The following PTGIS variants were observed in gnomAD, a reference collection of about 807,000 sequenced individuals.
The protein encoded by PTGIS is prostaglandin I2 synthase.
In PTGIS, 45 loss-of-function variants were observed where a neutral mutation model predicts 50.3. That is an observed-to-expected ratio of 0.90 (90% CI 0.70 to 1.15). PTGIS has a LOEUF of 1.15. PTGIS is among the 50% of genes most tolerant of loss of function. PTGIS has a pLI of 0.00. For synonymous variants in PTGIS, 260 were observed against 267.7 expected (o/e 0.97, Z 0.28); for missense variants, 668 against 661.3 (o/e 1.01, Z -0.11).
chr20:49,534,620 C>T (rs1376795316), intron 5 of PTGIS, among the ~76,000 whole-genome samples: 3 of 151,812 alleles, frequency 2.0e-5, no homozygotes, highest in Non-Finnish European at 4.4e-5. Flanking sequence ...CAGGATTTTG[C>T]AGACAGACAG....
At chr20:49,541,763 A>C (rs1387120450) in intron 4 of PTGIS, among the ~76,000 whole-genome samples, 1 of 152,180 alleles carries the variant, frequency 6.6e-6, no homozygotes, top group Non-Finnish European at 1.5e-5. Context: ...ATGAAGGAAA[A>C]GAAAACAAAA....
chr20:49,522,240 A>G (rs974710612), intron 6 of PTGIS, among the ~76,000 whole-genome samples: 2 of 151,816 alleles, frequency 1.3e-5, no homozygotes, highest in Admixed American at 1.3e-4. Flanking sequence ...TTCTATCCCC[A>G]TATCTTCTCC....
In PTGIS at chr20:49,540,335, G is replaced by T. The variant is rs982107589; in HGVS notation, c.522-614C>A. On this transcript the variant is annotated intron_variant, in intron 4 of 9. Transcript: ENST00000244043. This position sits in a 1 kb window ranked among gnomAD's most constrained non-coding sequence, Gnocchi z 4.8. ...GGGTCTGAGCTGAGATCTGCAGGAT[G>T]ATCGGGGGAAGCAGAAGAGGAACGT... 5.3e-5 allele frequency among the ~76,000 whole-genome samples: 8 copies of T among 152,186 alleles called. No homozygotes were observed. The highest frequency in any genetic ancestry group is 1.9e-4 in the African/African-American group (8 of 41,450).
At chr20:49,548,969 A>T (rs1403721347) in intron 2 of PTGIS, among the ~76,000 whole-genome samples, 2 of 151,924 alleles carry the variant, frequency 1.3e-5, no homozygotes, top group Non-Finnish European at 2.9e-5. Flanking sequence ...ATTGGATGGA[A>T]GTTGGAAGGA....
intron 1 of PTGIS, among the ~76,000 whole-genome samples, chr20:49,556,580 A>G (rs1271206003): frequency 2.0e-5 from 3 of 152,246 alleles, no homozygotes; most frequent in South Asian, 4.1e-4. Flanking sequence ...GAGAGCTCAT[A>G]TGGCAAATGA....
rs893852008 is a variant in PTGIS, at chr20:49,507,272, A to G, written c.*648T>C. 7.7e-5 allele frequency: 13 copies of G among 169,916 alleles called. No individual in the cohort carries two copies. The highest frequency in any genetic ancestry group is 2.6e-4 in the African/African-American group (11 of 41,608). The allele number at this position is 169,916 out of a possible 1,614,324, so 10.5% of individuals were successfully genotyped here. ...TAGAACAGAGAACTCCACTCCTCAGAGCCCAGTGTTTGGAGGGTGCCCCTG... is the reference window on the plus strand; with the variant it reads ...TAGAACAGAGAACTCCACTCCTCAGGGCCCAGTGTTTGGAGGGTGCCCCTG... On this transcript the variant is annotated 3_prime_UTR_variant, in exon 10 of 10. Transcript: ENST00000244043.
At chr20:49,519,176 T>A (rs528557694) in intron 6 of PTGIS, among the ~76,000 whole-genome samples, 39 of 144,378 alleles carry the variant, frequency 2.7e-4, no homozygotes, top group Non-Finnish European at 2.9e-4. Context: ...CAGCCTCCTC[T>A]TCCCCTTGCC....
At chr20:49,545,800 G>A (rs1379645385) in intron 3 of PTGIS, among the ~76,000 whole-genome samples, 1 of 151,820 alleles carries the variant, frequency 6.6e-6, no homozygotes, top group Non-Finnish European at 1.5e-5. Flanking sequence ...AAGAACAGTG[G>A]GAGAGTGCCA....
intron 8 of PTGIS, 95 bp downstream of exon 8, chr20:49,512,985 G>A (rs1470122718): frequency 2.7e-6 from 4 of 1,475,136 alleles, no homozygotes; most frequent in African/African-American, 1.4e-5. Context: ...AGCAAACAAA[G>A]AGCAGAGCCA....
chr20:49,542,599 C>A (rs774968706), intron 4 of PTGIS, among the ~76,000 whole-genome samples: 21 of 152,218 alleles, frequency 1.4e-4, no homozygotes, highest in Non-Finnish European at 2.8e-4. Context: ...GCCAGGAGAC[C>A]TGGGAGGATC....
chr20:49,537,206 A>G (rs1346681482), intron 5 of PTGIS, among the ~76,000 whole-genome samples: 1 of 152,174 alleles, frequency 6.6e-6, no homozygotes, highest in East Asian at 1.9e-4. Flanking sequence ...CGTTATGAAG[A>G]AGGGCCTGAG....
chr20:49,511,131 C>T lies in PTGIS; in HGVS notation c.1255G>A (p.Asp419Asn). The change falls in exon 9 of 10, where the codon GAC becomes AAC. Residue 419 changes from aspartate to asparagine, a missense_variant. Coordinates refer to ENST00000244043, the MANE Select transcript of PTGIS (RefSeq NM_000961.4). Reference sequence around the variant, plus strand: ...AGCCGTTTCCCATCCTTGTAAAAGTCTTTCTTCTCTGATCCGTCAGGGTTC... The same window carrying T: ...AGCCGTTTCCCATCCTTGTAAAAGTTTTTCTTCTCTGATCCGTCAGGGTTC... ...FLNPDGSEKK[D>N]FYKDGKRLKN... 6.2e-7 allele frequency: 1 copy of T among 1,614,212 alleles called. No individual in the cohort carries two copies. The highest frequency in any genetic ancestry group is 2.2e-5 in the East Asian group (1 of 44,886).
intron 1 of PTGIS, among the ~76,000 whole-genome samples, chr20:49,561,891 C>T (rs768661976): frequency 2.0e-5 from 3 of 152,208 alleles, no homozygotes; most frequent in Admixed American, 1.3e-4. Context: ...AGGAGCTATA[C>T]TTGGCATTTT....
chr20:49,509,999 C>T (rs1981272573), intron 9 of PTGIS, among the ~76,000 whole-genome samples: 2 of 149,954 alleles, frequency 1.3e-5, no homozygotes, highest in Non-Finnish European at 3.0e-5. Flanking sequence ...AGAGATTCTC[C>T]TGCCTCAGCC....
At chr20:49,551,707 TAC>T (rs1982509421) in intron 1 of PTGIS, among the ~76,000 whole-genome samples, 1 of 152,156 alleles carries the variant, frequency 6.6e-6, no homozygotes, top group African/African-American at 2.4e-5. Flanking sequence ...TCAAATATTT[TAC>T]AGAGTTTAAC....
intron 1 of PTGIS, among the ~76,000 whole-genome samples, chr20:49,561,085 A>G (rs1982762743): frequency 6.6e-6 from 1 of 152,160 alleles, no homozygotes; most frequent in African/African-American, 2.4e-5. Flanking sequence ...TCCCACTTTC[A>G]GCACAGGGCC....
intron 9 of PTGIS, among the ~76,000 whole-genome samples, chr20:49,509,526 A>T (rs949031330): frequency 6.6e-6 from 1 of 152,176 alleles, no homozygotes; most frequent in Admixed American, 6.5e-5. Flanking sequence ...TTCCAATAGG[A>T]TTGATATATT....
At chr20:49,539,768 G>T in intron 4 of PTGIS, 47 bp from the exon 5 acceptor site, 1 of 1,588,120 alleles carries the variant, frequency 6.3e-7, no homozygotes. Context: ...GGACACTCAT[G>T]TGTGGCCACA....
At chr20:49,527,309 T>A (rs62209221) in intron 5 of PTGIS, among the ~76,000 whole-genome samples, 2 of 144,926 alleles carry the variant, frequency 1.4e-5, no homozygotes, top group South Asian at 2.3e-4. Context: ...AAAAAAAAAT[T>A]AGCCAGGCAT....
Sources: gnomAD v4.1 joint callset for allele counts (sites outside exome capture counted in the v4.1 genomes callset) on GRCh38, gnomAD v4.1.1 for gene constraint, Gnocchi (gnomAD v3.1) non-coding constraint, MANE v1.5 for transcripts, NCBI Gene and HGNC (gene_info 2026-07-23, HGNC 2026-07-21) for gene names.